The following PDE4D variants were observed in gnomAD, a reference collection of about 807,000 sequenced individuals.
The protein encoded by PDE4D is 3',5'-cyclic-AMP phosphodiesterase 4D.
Under a neutral mutation model 87.4 loss-of-function variants are expected in PDE4D, and 24 were observed. That is an observed-to-expected ratio of 0.27 (90% CI 0.20 to 0.39). The LOEUF is 0.39. Ranked by LOEUF, PDE4D falls within the 10% of genes least tolerant of loss-of-function variation. The pLI, the probability that PDE4D is intolerant of heterozygous loss-of-function variation, is 1.00. For synonymous variants in PDE4D, 384 were observed against 383.2 expected (o/e 1.00, Z -0.02); for missense variants, 714 against 1,041.0 (o/e 0.69, Z 4.32).
At chr5:60,071,924 T>C (rs1415993066) in intron 2 of PDE4D, among the ~76,000 whole-genome samples, 1 of 152,194 alleles carries the variant, frequency 6.6e-6, no homozygotes, top group African/African-American at 2.4e-5. Flanking sequence ...TTACCATTGA[T>C]AGGCATTTAG....
intron 2 of PDE4D, among the ~76,000 whole-genome samples, chr5:59,198,333 A>G (rs1342309298): frequency 6.6e-6 from 1 of 152,252 alleles, no homozygotes; most frequent in Non-Finnish European, 1.5e-5. Context: ...GTATGCACAC[A>G]TGTATACATG....
At chr5:59,673,808 A>G (rs1747620795) in intron 1 of PDE4D, among the ~76,000 whole-genome samples, 1 of 152,226 alleles carries the variant, frequency 6.6e-6, no homozygotes, top group South Asian at 2.1e-4. Flanking sequence ...TCATTATTAA[A>G]CATATATGGG....
At chr5:59,720,173 T>C (rs1249271607) in intron 1 of PDE4D, among the ~76,000 whole-genome samples, 2 of 152,176 alleles carry the variant, frequency 1.3e-5, no homozygotes, top group Non-Finnish European at 2.9e-5. Context: ...ATGCTCACTT[T>C]TTTTAAGAGA....
At chr5:59,979,950 GA>G (rs941402586) in intron 3 of PDE4D, among the ~76,000 whole-genome samples, 2 of 151,806 alleles carry the variant, frequency 1.3e-5, no homozygotes, top group Non-Finnish European at 2.9e-5. Flanking sequence ...CATTTGTAGA[GA>G]AAAAAAGTTT....
chr5:59,752,759 G>T (rs1225245249), intron 1 of PDE4D, among the ~76,000 whole-genome samples: 1 of 152,166 alleles, frequency 6.6e-6, no homozygotes, highest in East Asian at 1.9e-4. Context: ...CCAGTCATCA[G>T]TTCTGCTGAG....
intron 2 of PDE4D, among the ~76,000 whole-genome samples, chr5:60,168,731 A>AT (rs1783152764): frequency 2.6e-5 from 4 of 152,158 alleles, no homozygotes; most frequent in African/African-American, 9.7e-5. Flanking sequence ...GTTACACTGT[A>AT]TTTTTTTAGG....
At chr5:59,943,451 A>G (rs1402235202) in intron 3 of PDE4D, among the ~76,000 whole-genome samples, 1 of 152,046 alleles carries the variant, frequency 6.6e-6, no homozygotes, top group Non-Finnish European at 1.5e-5. Flanking sequence ...TCAGACCCAC[A>G]TTTTCTTTAT....
rs138566209 is a variant in PDE4D at position 60,307,867 on chromosome 5, C to G, written c.-89-122180G>C. Among the ~76,000 whole-genome samples the G allele has an allele frequency of 6.3e-3, 954 of 152,104 alleles. 8 individuals carry two copies. Among genetic ancestry groups the G allele is most frequent in the African/African-American group, 0.02 (849 of 41,480 alleles). ...ACCAGCCTGGCCAACATGGTGAAAC[C>G]CTGTCTTTACTAAAAATACAAAAAT... On this transcript the variant is annotated intron_variant, in intron 1 of 16. Transcript: ENST00000502484.
chr5:59,611,523 T>C (rs898552970), intron 1 of PDE4D, among the ~76,000 whole-genome samples: 4 of 152,154 alleles, frequency 2.6e-5, no homozygotes, highest in African/African-American at 9.7e-5. Context: ...TATTCATTTA[T>C]CTGTCTGAAT....
intron 1 of PDE4D, among the ~76,000 whole-genome samples, chr5:59,550,808 T>C (rs2153687613): frequency 6.6e-6 from 1 of 152,046 alleles, no homozygotes; most frequent in Non-Finnish European, 1.5e-5. Flanking sequence ...GAGATTCTCC[T>C]ATCTCAGCCT....
intron 1 of PDE4D, among the ~76,000 whole-genome samples, chr5:60,498,348 C>A (rs1749915296): frequency 6.6e-6 from 1 of 152,182 alleles, no homozygotes; most frequent in South Asian, 2.1e-4. Context: ...ACTCCCTGGG[C>A]AGAGTCCATT....
At chr5:60,519,414 C>T (rs1750939815) in intron 1 of PDE4D, among the ~76,000 whole-genome samples, 1 of 152,110 alleles carries the variant, frequency 6.6e-6, no homozygotes, top group African/African-American at 2.4e-5. Context: ...CCTAAAATGG[C>T]CATTTGGTTA....
At position 59,053,638 on chromosome 5, in the gene PDE4D, G is replaced by GTTTTTTT. The variant is rs1205199951; in HGVS notation, c.809-14668_809-14667insAAAAAAA. Among the ~76,000 whole-genome samples the GTTTTTTT allele has an allele frequency of 2.5e-4, 21 of 84,700 alleles. 1 individual carries two copies. The highest frequency in any genetic ancestry group is 9.1e-4 in the African/African-American group (18 of 19,720). The allele number at this position is 84,700 out of a possible 152,430, so 55.6% of individuals were successfully genotyped here. On this transcript the variant is annotated intron_variant, in intron 5 of 14. Coordinates refer to ENST00000340635, the MANE Select transcript of PDE4D (RefSeq NM_001104631.2). ...TAAGTTTTATGAATTAAGTTGTTTT[G>GTTTTTTT]TTTTTTGTTTTTTTTTGTTGTTGTT...
chr5:59,623,644 A>G (rs1172746952), intron 1 of PDE4D, among the ~76,000 whole-genome samples: 2 of 152,102 alleles, frequency 1.3e-5, no homozygotes, highest in Non-Finnish European at 2.9e-5. Context: ...CAGAGTTCCA[A>G]TTCCTGACCT....
intron 1 of PDE4D, among the ~76,000 whole-genome samples, chr5:59,697,485 A>G (rs1408037580): frequency 6.6e-6 from 1 of 152,184 alleles, no homozygotes; most frequent in Non-Finnish European, 1.5e-5. Flanking sequence ...TATTCAATGA[A>G]TATCTATCAA....
intron 1 of PDE4D, among the ~76,000 whole-genome samples, chr5:59,349,205 C>T (rs561908188): frequency 9.9e-5 from 15 of 152,132 alleles, no homozygotes; most frequent in Admixed American, 3.3e-4. Context: ...CCCAGCCTTA[C>T]GGAAAATCAG....
chr5:59,095,384 G>T (rs1376874583), intron 5 of PDE4D, among the ~76,000 whole-genome samples: 1 of 151,420 alleles, frequency 6.6e-6, no homozygotes, highest in African/African-American at 2.4e-5. Context: ...GCCTTTCTTG[G>T]TATTATAGTA....
At chr5:59,634,935 C>A (rs913314430) in intron 1 of PDE4D, among the ~76,000 whole-genome samples, 3 of 152,038 alleles carry the variant, frequency 2.0e-5, no homozygotes, top group Non-Finnish European at 2.9e-5. Context: ...TTGAAAAAAT[C>A]AATGAATCCA....
At chr5:60,149,793 A>C (rs753404069) in intron 2 of PDE4D, among the ~76,000 whole-genome samples, 12 of 148,714 alleles carry the variant, frequency 8.1e-5, no homozygotes, top group Non-Finnish European at 1.3e-4. Flanking sequence ...ATATATAATT[A>C]TATATACTAG....
Sources: gnomAD v4.1 joint callset for allele counts (sites outside exome capture counted in the v4.1 genomes callset) on GRCh38, gnomAD v4.1.1 for gene constraint, MANE v1.5 for transcripts, NCBI Gene and HGNC (gene_info 2026-07-23, HGNC 2026-07-21) for gene names.